Variants in COMMD10 observed in about 807,000 individuals in gnomAD.
COMMD10 encodes COMM domain containing 10.
In COMMD10, 33 loss-of-function variants were observed where a neutral mutation model predicts 28.9. The ratio of observed to expected loss-of-function variants is 1.14; its 90% CI spans 0.87 to 1.53. The LOEUF (loss-of-function observed/expected upper bound fraction) is 1.53. Among genes scored for constraint, COMMD10 ranks in the 40% most tolerant of loss-of-function variants. The probability of loss-of-function intolerance (pLI) is 0.00; values close to 1 mark genes in which losing one functional copy is unlikely to be tolerated. For missense variants in COMMD10, 310 were observed against 233.4 expected (o/e 1.33, Z -2.14); for synonymous variants, 110 against 81.7 (o/e 1.35, Z -1.87).
At chr5:116,113,204 C>G (rs1015742049) in intron 4 of COMMD10, among the ~76,000 whole-genome samples, 6 of 152,030 alleles carry the variant, frequency 3.9e-5, no homozygotes. Flanking sequence ...GATGGACTTT[C>G]CTTTATAGAT....
chr5:116,268,084 C>A (rs1260345571), intron 5 of COMMD10, among the ~76,000 whole-genome samples: 1 of 151,686 alleles, frequency 6.6e-6, no homozygotes, highest in African/African-American at 2.4e-5. Context: ...GTAACAAAAG[C>A]CAAAATTGAC....
rs1007054379 is a variant in COMMD10 at position 116,288,793 on chromosome 5, G to C, written c.511-2724G>C. ...GATTTCTGTTTGGTTCTTTTTTATA[G>C]TTTCTGTGTTTTTCTTGATGTTCTC... is the stretch of plus-strand genomic sequence containing the variant. On this transcript the variant is annotated intron_variant, in intron 5 of 6. Transcript: ENST00000274458. 2.1e-5 allele frequency among the ~76,000 whole-genome samples: 3 copies of C among 143,070 alleles called. 1 individual carries two copies. The highest frequency in any genetic ancestry group is 7.7e-5 in the African/African-American group (3 of 38,958). The allele number at this position is 143,070 out of a possible 152,430, so 93.9% of individuals were successfully genotyped here. A position where few individuals can be genotyped will look rare whatever the true frequency, so the allele number is the denominator to read the frequency against.
chr5:116,149,979 T>G (rs1752466703), intron 5 of COMMD10, among the ~76,000 whole-genome samples: 1 of 152,192 alleles, frequency 6.6e-6, no homozygotes, highest in South Asian at 2.1e-4. Flanking sequence ...CTAAGGTTTT[T>G]ATGGTTTTAG....
chr5:116,217,829 C>G (rs1749143781), intron 5 of COMMD10, among the ~76,000 whole-genome samples: 1 of 152,076 alleles, frequency 6.6e-6, no homozygotes, highest in African/African-American at 2.4e-5. Context: ...CCACATCAAT[C>G]CAGCTTCGAA....
chr5:116,088,086 G>A (rs1209037554), intron 2 of COMMD10, among the ~76,000 whole-genome samples: 1 of 152,102 alleles, frequency 6.6e-6, no homozygotes, highest in African/African-American at 2.4e-5. Flanking sequence ...TGGATGCTTT[G>A]TAATTCTCTA....
chr5:116,178,835 A>G lies in COMMD10; in HGVS notation c.510+44657A>G, dbSNP rs145846453. Among the ~76,000 whole-genome samples the G allele has an allele frequency of 5.8e-3, 876 of 152,268 alleles. 9 individuals are homozygous for G. The highest frequency in any genetic ancestry group is 0.02 in the African/African-American group (835 of 41,566). On this transcript the variant is annotated intron_variant, in intron 5 of 6. Transcript: ENST00000274458. ...TTAGCTGTAGTTGATGCAGATGGCC[A>G]CTAGAATGTATTCATATAAACATCT...
chr5:116,230,604 T>G (rs1384667118), intron 5 of COMMD10, among the ~76,000 whole-genome samples: 2 of 152,060 alleles, frequency 1.3e-5, no homozygotes, highest in East Asian at 3.8e-4. Flanking sequence ...GGGTGCCTCC[T>G]GTAGTAGTGT....
chr5:116,219,650 C>T (rs888419438), intron 5 of COMMD10, among the ~76,000 whole-genome samples: 1 of 152,124 alleles, frequency 6.6e-6, no homozygotes, highest in African/African-American at 2.4e-5. Flanking sequence ...GTTTTCTGCC[C>T]AGTGAAACTA....
chr5:116,260,829 A>G (rs1750421512), intron 5 of COMMD10, among the ~76,000 whole-genome samples: 1 of 151,768 alleles, frequency 6.6e-6, no homozygotes, highest in South Asian at 2.1e-4. Flanking sequence ...TTGCTAATAG[A>G]TGTTTAAAAG....
intron 4 of COMMD10, among the ~76,000 whole-genome samples, chr5:116,124,734 T>C (rs946663763): frequency 6.6e-6 from 1 of 152,196 alleles, no homozygotes; most frequent in African/African-American, 2.4e-5. Context: ...AAGGACTTGC[T>C]TTATGAATCT....
intron 5 of COMMD10, among the ~76,000 whole-genome samples, chr5:116,194,885 C>A (rs1368009269): frequency 1.3e-5 from 2 of 151,980 alleles, no homozygotes; most frequent in African/African-American, 4.8e-5. Flanking sequence ...CAGACCAATA[C>A]CCTTGATGAA....
intron 5 of COMMD10, among the ~76,000 whole-genome samples, chr5:116,276,536 G>A (rs546667563): frequency 4.6e-5 from 7 of 151,518 alleles, no homozygotes; most frequent in Admixed American, 6.6e-5. Flanking sequence ...ATGCCCAGCC[G>A]TATCTTCTTA....
At chr5:116,229,966 C>A (rs1477554493) in intron 5 of COMMD10, among the ~76,000 whole-genome samples, 1 of 151,082 alleles carries the variant, frequency 6.6e-6, no homozygotes, top group African/African-American at 2.5e-5. Flanking sequence ...CTGAGCCCCC[C>A]CAAAAAAAAA....
chr5:116,281,396 G>A (rs1234101654), intron 5 of COMMD10, among the ~76,000 whole-genome samples: 1 of 151,540 alleles, frequency 6.6e-6, no homozygotes, highest in African/African-American at 2.4e-5. Flanking sequence ...AAAATAAAAA[G>A]GAATGGGTGG....
chr5:116,230,541 C>T (rs781771277), intron 5 of COMMD10, among the ~76,000 whole-genome samples: 25 of 152,040 alleles, frequency 1.6e-4, no homozygotes, highest in Middle Eastern at 3.4e-3. Flanking sequence ...TTCTACATCA[C>T]GATGTTAGTG....
intron 4 of COMMD10, among the ~76,000 whole-genome samples, chr5:116,102,106 T>C (rs573252875): frequency 6.6e-6 from 1 of 152,188 alleles, no homozygotes; most frequent in Non-Finnish European, 1.5e-5. Flanking sequence ...TTCTGTCCTT[T>C]TAAGATCTTA....
intron 5 of COMMD10, among the ~76,000 whole-genome samples, chr5:116,141,576 C>G (rs1346871219): frequency 6.6e-6 from 1 of 151,668 alleles, no homozygotes; most frequent in Non-Finnish European, 1.5e-5. Flanking sequence ...ATGTCATCTT[C>G]AATTTCTTTA....
chr5:116,140,157 C>A (rs559161558), intron 5 of COMMD10, among the ~76,000 whole-genome samples: 1 of 151,354 alleles, frequency 6.6e-6, no homozygotes, highest in South Asian at 2.1e-4. Flanking sequence ...TTTCACTTAC[C>A]ATAATGTCCT....
chr5:116,160,842 A>G (rs141338604), intron 5 of COMMD10, among the ~76,000 whole-genome samples: 22 of 152,294 alleles, frequency 1.4e-4, no homozygotes, highest in Admixed American at 1.4e-3. Flanking sequence ...CCTCTCTGTT[A>G]CGGGAAGCAG....
Sources: gnomAD v4.1 joint callset for allele counts (sites outside exome capture counted in the v4.1 genomes callset) on GRCh38, gnomAD v4.1.1 for gene constraint, MANE v1.5 for transcripts, NCBI Gene and HGNC (gene_info 2026-07-23, HGNC 2026-07-21) for gene names.